THSD7A: variants seen among roughly 807,000 people sequenced by gnomAD.
THSD7A encodes thrombospondin type 1 domain containing 7A, also known as thrombospondin type-1 domain-containing protein 7A.
Under a neutral mutation model 231.3 loss-of-function variants are expected in THSD7A, and 96 were observed. The ratio of observed to expected loss-of-function variants is 0.41; its 90% CI spans 0.35 to 0.49. The LOEUF (loss-of-function observed/expected upper bound fraction) is 0.49, where lower values mean the gene tolerates loss of function less well. Among genes scored for constraint, THSD7A ranks in the 20% least tolerant of loss-of-function variants. The pLI, the probability that THSD7A is intolerant of heterozygous loss-of-function variation, is 0.05. For missense variants in THSD7A, 2,290 were observed against 2,070.2 expected (o/e 1.11, Z -2.06); for synonymous variants, 940 against 743.3 (o/e 1.26, Z -4.30).
intron 1 of THSD7A, among the ~76,000 whole-genome samples, chr7:11,760,361 T>C (rs1276892441): frequency 2.0e-5 from 3 of 152,008 alleles, no homozygotes; most frequent in Non-Finnish European, 4.4e-5. Context: ...AGAAAACAAA[T>C]CTGTAGTGGG....
intron 1 of THSD7A, among the ~76,000 whole-genome samples, chr7:11,771,758 A>T (rs187339891): frequency 6.6e-6 from 1 of 152,196 alleles, no homozygotes; most frequent in African/African-American, 2.4e-5. Flanking sequence ...GGAATCTCCA[A>T]TGCTGGAGTT....
At chr7:11,484,559 G>A (rs1424638958) in intron 6 of THSD7A, among the ~76,000 whole-genome samples, 1 of 152,116 alleles carries the variant, frequency 6.6e-6, no homozygotes, top group Admixed American at 6.6e-5. Context: ...TTTATTGTCT[G>A]ACTATCACTA....
intron 19 of THSD7A, among the ~76,000 whole-genome samples, chr7:11,409,469 A>G (rs1415447281): frequency 6.6e-6 from 1 of 152,182 alleles, no homozygotes; most frequent in Non-Finnish European, 1.5e-5. Flanking sequence ...AGGCTCCCAT[A>G]TAATTAAAAT....
chr7:11,425,715 A>C lies in THSD7A; in HGVS notation c.3250-886T>G, dbSNP rs544442207. Among the ~76,000 whole-genome samples, 69 of 146,082 alleles carry C rather than the reference A, an allele frequency of 4.7e-4. 1 individual carries two copies. Among genetic ancestry groups the C allele is most frequent in the African/African-American group, 1.8e-3 (69 of 38,146 alleles). On this transcript the variant is annotated intron_variant, in intron 15 of 27. Transcript: ENST00000423059. The stretch of plus-strand genomic sequence containing the variant: ...TATTTTTCTAATCTGTGATAGTCCA[A>C]CTCTATCCCTTATTTTACACACACA...
intron 1 of THSD7A, among the ~76,000 whole-genome samples, chr7:11,704,152 C>T (rs913298269): frequency 6.6e-6 from 1 of 150,896 alleles, no homozygotes; most frequent in African/African-American, 2.4e-5. Flanking sequence ...TAGTTTCTAC[C>T]TACAACAAGT....
chr7:11,708,816 C>T (rs1270381813), intron 1 of THSD7A, among the ~76,000 whole-genome samples: 1 of 150,456 alleles, frequency 6.6e-6, no homozygotes, highest in African/African-American at 2.4e-5. Flanking sequence ...TATTATAGAC[C>T]AATATTAAGT....
chr7:11,393,101 T>G (rs1783047966), intron 23 of THSD7A, among the ~76,000 whole-genome samples: 1 of 152,206 alleles, frequency 6.6e-6, no homozygotes, highest in Non-Finnish European at 1.5e-5. Flanking sequence ...GGGAGATACC[T>G]CTCAGCAGGG....
intron 1 of THSD7A, among the ~76,000 whole-genome samples, chr7:11,705,079 T>C (rs1185817029): frequency 2.0e-5 from 3 of 151,066 alleles, no homozygotes; most frequent in Admixed American, 6.6e-5. Context: ...CAATTACTTA[T>C]ATAGAGAGAG....
chr7:11,636,894 A>G lies in THSD7A; in HGVS notation c.258T>C (p.Cys86=). 1 of 1,613,814 alleles carries G rather than the reference A, an allele frequency of 6.2e-7. No homozygotes were observed. The highest frequency in any genetic ancestry group is 1.1e-5 in the South Asian group (1 of 91,078). The part of the protein sequence containing the change: ...PGGIQTRAVW[C]AHVEGWTTLH... Reference sequence around the variant, plus strand: ...GTGTAGTCCATCCCTCCACATGAGCACACCACACAGCCCTCGTTTGGATGC... The same window carrying G: ...GTGTAGTCCATCCCTCCACATGAGCGCACCACACAGCCCTCGTTTGGATGC... Residue 86 remains cysteine (C), a synonymous_variant, in exon 2 of 28, where the codon TGT becomes TGC. Coordinates refer to ENST00000423059, the MANE Select transcript of THSD7A (RefSeq NM_015204.3). The surrounding 1 kb of genome is among the most constrained non-coding windows in gnomAD (Gnocchi z 10.0).
chr7:11,599,094 C>T (rs13242081), intron 2 of THSD7A, among the ~76,000 whole-genome samples: 24,114 of 151,864 alleles, frequency 0.16, 2,420 homozygotes, highest in Non-Finnish European at 0.23. Flanking sequence ...AGTATTGTCA[C>T]GCCCTGTGAT....
Position 11,636,410 on chromosome 7 carries a change from C to T in THSD7A, c.742G>A (p.Ala248Thr), listed in dbSNP as rs780838991. 2.0e-5 allele frequency: 32 copies of T among 1,613,622 alleles called. No homozygotes were observed. Among genetic ancestry groups the T allele is most frequent in the South Asian group, 2.2e-5 (2 of 91,092 alleles). ...TGCAGGCTGTACCTGAGCTCCTCGG[C>T]CTCGCATGGACTGGATTGGCACACC... ...FQVCQSSPCE[A>T]EELRYSLHVG... The change falls in exon 2 of 28, where the codon GCC becomes ACC. Residue 248 changes from alanine (A) to threonine (T), a missense_variant. By Grantham distance (58) the Ala-to-Thr change is moderately conservative. Transcript: ENST00000423059. This position sits in a 1 kb window ranked among gnomAD's most constrained non-coding sequence, Gnocchi z 10.0.
chr7:11,794,243 A>G (rs1461493216), intron 1 of THSD7A, among the ~76,000 whole-genome samples: 1 of 152,024 alleles, frequency 6.6e-6, no homozygotes, highest in Admixed American at 6.6e-5. Flanking sequence ...TAAAGGATAT[A>G]CTACAAAGTT....
intron 17 of THSD7A, 40 bp from the exon 18 acceptor site, chr7:11,412,840 T>C (rs1275562156): frequency 1.3e-6 from 2 of 1,586,144 alleles, no homozygotes; most frequent in East Asian, 2.3e-5. Context: ...AGGTGAATAC[T>C]CAGCTACACA....
At chr7:11,549,920 TAAAAC>T (rs1027867119) in intron 4 of THSD7A, among the ~76,000 whole-genome samples, 5 of 152,058 alleles carry the variant, frequency 3.3e-5, no homozygotes, top group Middle Eastern at 3.4e-3. Flanking sequence ...CCCCAGAACT[TAAAAC>T]AAACAAATGA....
chr7:11,479,619 A>G (rs984474780), intron 7 of THSD7A, among the ~76,000 whole-genome samples: 2 of 150,738 alleles, frequency 1.3e-5, no homozygotes, highest in African/African-American at 5.0e-5. Context: ...ATCATTAAAA[A>G]TAGTTCAGAA....
chr7:11,610,659 C>T (rs543198000), intron 2 of THSD7A, among the ~76,000 whole-genome samples: 1 of 152,130 alleles, frequency 6.6e-6, no homozygotes, highest in East Asian at 1.9e-4. Context: ...ATTTACTATT[C>T]TATAATGTAT....
At chr7:11,509,832 A>AAAT (rs1554326858) in intron 6 of THSD7A, among the ~76,000 whole-genome samples, 2 of 147,204 alleles carry the variant, frequency 1.4e-5, no homozygotes, top group African/African-American at 2.5e-5. Context: ...AAAAAAAAAA[A>AAAT]AAAATAACAT....
intron 1 of THSD7A, among the ~76,000 whole-genome samples, chr7:11,686,720 T>A (rs963240848): frequency 4.6e-5 from 7 of 151,852 alleles, no homozygotes; most frequent in Admixed American, 3.3e-4. Context: ...CCTAAGCAAA[T>A]CAGTGCAGGA....
chr7:11,402,633 T>C (rs1042427464), intron 22 of THSD7A, among the ~76,000 whole-genome samples: 6 of 152,180 alleles, frequency 3.9e-5, no homozygotes, highest in Non-Finnish European at 7.4e-5. Flanking sequence ...GATAATCTGA[T>C]TATATAACCA....
Sources: allele counts gnomAD v4.1 joint callset (sites outside exome capture counted in the v4.1 genomes callset), GRCh38; gene constraint gnomAD v4.1.1; non-coding constraint Gnocchi (gnomAD v3.1); transcripts MANE v1.5; gene names NCBI Gene and HGNC (gene_info 2026-07-23, HGNC 2026-07-21).